ZNF831: variants seen among roughly 807,000 people sequenced by gnomAD.
ZNF831 encodes chromosome 20 open reading frame 174.
Under a neutral mutation model 95.8 loss-of-function variants are expected in ZNF831, and 59 were observed. The observed-to-expected ratio is 0.62, with a 90% CI of 0.50 to 0.77. ZNF831 has a LOEUF of 0.77. ZNF831 is among the 30% of genes least tolerant of loss of function. The pLI, the probability that ZNF831 is intolerant of heterozygous loss-of-function variation, is 0.00. For missense variants in ZNF831, 2,205 were observed against 2,164.0 expected (o/e 1.02, Z -0.38); for synonymous variants, 961 against 925.5 (o/e 1.04, Z -0.70).
Position 59,217,164 on chromosome 20 carries a change from G to C in ZNF831, c.4027+10108G>C, listed in dbSNP as rs185393485. ...GTACATCTGACAGATCTTCATCTCT[G>C]TGTGTGTGTGTGTGTGTGTGTGTGT... On this transcript the variant is annotated intron_variant, in intron 4 of 5. Transcript: ENST00000371030. The surrounding 1 kb of genome is among the most constrained non-coding windows in gnomAD (Gnocchi z 4.4). Among the ~76,000 whole-genome samples the C allele has an allele frequency of 6.7e-4, 88 of 131,822 alleles. No homozygotes were observed. The highest frequency in any genetic ancestry group is 1.2e-3 in the African/African-American group (45 of 36,618). 86.5% of individuals were successfully genotyped at this position (131,822 alleles called of 152,430 possible).
chr20:59,212,074 A>G (rs1287195527), intron 4 of ZNF831, among the ~76,000 whole-genome samples: 1 of 152,192 alleles, frequency 6.6e-6, no homozygotes, highest in Non-Finnish European at 1.5e-5. Context: ...ATAAGAAGTC[A>G]TGAATACTTG....
At chr20:59,197,354 T>C (rs1055269285) in intron 3 of ZNF831, among the ~76,000 whole-genome samples, 4 of 152,114 alleles carry the variant, frequency 2.6e-5, no homozygotes, top group Non-Finnish European at 5.9e-5. Context: ...GTGGATGGTA[T>C]TATTAGCCCC....
intron 1 of ZNF831, among the ~76,000 whole-genome samples, chr20:59,133,591 T>C (rs1322644469): frequency 6.6e-6 from 1 of 152,060 alleles, no homozygotes; most frequent in Admixed American, 6.5e-5. Flanking sequence ...GAAAAGGGAA[T>C]AGAAAGCATG....
At position 59,177,196 on chromosome 20, in the gene ZNF831, G is replaced by A. The variant is rs536059146; in HGVS notation, c.-37+12989G>A. Among the ~76,000 whole-genome samples the A allele has an allele frequency of 1.4e-4, 21 of 152,300 alleles. No individual in the cohort carries two copies. In the South Asian group the frequency reaches 2.7e-3, roughly 20 times the overall value. On this transcript the variant is annotated intron_variant, in intron 1 of 5. Transcript: ENST00000371030. Reference sequence around the variant, plus strand: ...ACAGTCACAGCAGTAATCAAGACAGGCGTCTTGTCATTTAATTAAGCATGG... The same window carrying A: ...ACAGTCACAGCAGTAATCAAGACAGACGTCTTGTCATTTAATTAAGCATGG...
chr20:59,242,492 G>A (rs1399248454), intron 4 of ZNF831, among the ~76,000 whole-genome samples: 1 of 152,042 alleles, frequency 6.6e-6, no homozygotes, highest in Non-Finnish European at 1.5e-5. Context: ...CACACTTGTG[G>A]TCTAGGCACA....
chr20:59,191,742 C>T lies in ZNF831; in HGVS notation c.723C>T (p.Ala241=), dbSNP rs1326726599. ...GGTGCCAGGGGATGCACGAAGGCGC[C>T]TCGGAGAGACCCCTTTCTCCGGGTG... is the stretch of plus-strand genomic sequence containing the variant. The part of the protein sequence containing the change: ...ESRCQGMHEG[A]SERPLSPGAH... The change falls in exon 2 of 6, where the codon GCC becomes GCT. Residue 241 remains alanine (A), a synonymous_variant. Transcript: ENST00000371030. The T allele has an allele frequency of 6.2e-7, 1 of 1,600,988 alleles. No individual in the cohort carries two copies. Among genetic ancestry groups the T allele is most frequent in the East Asian group, 2.2e-5 (1 of 44,708 alleles).
At chr20:59,170,329 G>A (rs978110238) in intron 1 of ZNF831, among the ~76,000 whole-genome samples, 3 of 152,124 alleles carry the variant, frequency 2.0e-5, no homozygotes, top group Admixed American at 6.5e-5. Context: ...ATTTTGAGAT[G>A]TATTTTTGTT....
At chr20:59,228,087 G>A (rs1986526738) in intron 4 of ZNF831, among the ~76,000 whole-genome samples, 1 of 151,968 alleles carries the variant, frequency 6.6e-6, no homozygotes, top group African/African-American at 2.4e-5. Context: ...TATATCAAAG[G>A]GACCATAGGC....
chr20:59,170,059 C>T (rs1251257118), intron 1 of ZNF831, among the ~76,000 whole-genome samples: 1 of 152,050 alleles, frequency 6.6e-6, no homozygotes, highest in African/African-American at 2.4e-5. Context: ...TTTCCTTTTA[C>T]TACAGTCAAG....
intron 4 of ZNF831, among the ~76,000 whole-genome samples, chr20:59,211,925 A>G (rs2146650799): frequency 6.6e-6 from 1 of 152,190 alleles, no homozygotes; most frequent in East Asian, 1.9e-4. Flanking sequence ...AACTTGGGGA[A>G]ACTTGGTAGA....
intron 4 of ZNF831, among the ~76,000 whole-genome samples, chr20:59,209,493 G>T (rs1388370906): frequency 6.6e-6 from 1 of 152,204 alleles, no homozygotes; most frequent in Admixed American, 6.5e-5. Context: ...GGGTCAAGAA[G>T]AGGGAACATG....
Position 59,253,060 on chromosome 20 carries a change from C to A in ZNF831, c.4110C>A (p.Asp1370Glu). ...CCGKEEKKEG[D>E]CRQTLGTLSL... is the part of the protein sequence containing the mutation. ...GGAAGGAAGAGAAGAAGGAAGGTGA[C>A]TGCAGACAAACCTTAGGAACCCTCT... Residue 1370 changes from aspartate (D) to glutamate (E), a missense_variant, in exon 5 of 6, where the codon GAC (aspartate) becomes GAA (glutamate). Asp to Glu is a conservative substitution (Grantham distance 45, BLOSUM62 2). Coordinates refer to ENST00000371030, the MANE Select transcript of ZNF831 (RefSeq NM_178457.3). The A allele has an allele frequency of 6.2e-7, 1 of 1,614,178 alleles. No individual in the cohort carries two copies. Among genetic ancestry groups the A allele is most frequent in the Non-Finnish European group, 8.5e-7 (1 of 1,180,010 alleles).
At chr20:59,224,995 C>T (rs111547041) in intron 4 of ZNF831, among the ~76,000 whole-genome samples, 2 of 151,404 alleles carry the variant, frequency 1.3e-5, no homozygotes, top group Admixed American at 6.6e-5. Flanking sequence ...GAGTAGAATA[C>T]TGCATGCTTT....
intron 4 of ZNF831, among the ~76,000 whole-genome samples, chr20:59,247,014 C>T (rs1454510433): frequency 6.6e-6 from 1 of 152,136 alleles, no homozygotes; most frequent in Non-Finnish European, 1.5e-5. Flanking sequence ...CATTTTTAGC[C>T]ATTTTTTTCG....
intron 1 of ZNF831, among the ~76,000 whole-genome samples, chr20:59,183,592 T>A (rs1054557038): frequency 1.3e-5 from 2 of 152,236 alleles, no homozygotes; most frequent in African/African-American, 4.8e-5. Context: ...CAAGTATTTA[T>A]TTCTTTTGGC....
In ZNF831 at chr20:59,169,866, C is replaced by CTCTAG. The variant is rs775526728; in HGVS notation, c.-37+5660_-37+5664dup. On this transcript the variant is annotated intron_variant, in intron 1 of 5. Transcript: ENST00000371030. The surrounding 1 kb of genome is among the most constrained non-coding windows in gnomAD (Gnocchi z 4.1). The stretch of plus-strand genomic sequence containing the variant: ...AGTGAGCCAAGATCATGCCACTTCA[C>CTCTAG]TCTAGCCTGGGCAATAGAGCAAGAC... 8.5e-5 allele frequency among the ~76,000 whole-genome samples: 13 copies of CTCTAG among 152,076 alleles called. No individual in the cohort carries two copies. Among genetic ancestry groups the CTCTAG allele is most frequent in the Admixed American group, 4.6e-4 (7 of 15,284 alleles).
intron 4 of ZNF831, among the ~76,000 whole-genome samples, chr20:59,240,716 G>C (rs1052208924): frequency 1.3e-5 from 2 of 152,086 alleles, no homozygotes; most frequent in Non-Finnish European, 2.9e-5. Flanking sequence ...GCAGGAGAAT[G>C]GCGTGAACCC....
In ZNF831 at chr20:59,254,960, A is replaced by G. The variant is rs116821282; in HGVS notation, c.*217A>G. 1,159 of 549,416 alleles carry G rather than the reference A, an allele frequency of 2.1e-3. 10 individuals carry two copies. The highest frequency in any genetic ancestry group is 0.019 in the African/African-American group (997 of 53,312). 34.0% of individuals were successfully genotyped at this position (549,416 alleles called of 1,614,324 possible). A position where few individuals can be genotyped will look rare whatever the true frequency, so the allele number is the denominator to read the frequency against. On this transcript the variant is annotated 3_prime_UTR_variant, in exon 6 of 6. Transcript: ENST00000371030. This position sits in a 1 kb window ranked among gnomAD's most constrained non-coding sequence, Gnocchi z 4.5. Reference sequence around the variant, plus strand: ...CCTTGGGAGTGCTCTGCTCATCTTCAAATGGTGCCAGGCAGGGCAGACATG... The same window carrying G: ...CCTTGGGAGTGCTCTGCTCATCTTCGAATGGTGCCAGGCAGGGCAGACATG...
chr20:59,227,690 G>A (rs1456768264), intron 4 of ZNF831, among the ~76,000 whole-genome samples: 1 of 152,088 alleles, frequency 6.6e-6, no homozygotes, highest in East Asian at 1.9e-4. Flanking sequence ...GGTTTCCATT[G>A]TCTTATATTA....
Sources: gnomAD v4.1 joint callset for allele counts (sites outside exome capture counted in the v4.1 genomes callset) on GRCh38, gnomAD v4.1.1 for gene constraint, Gnocchi (gnomAD v3.1) non-coding constraint, MANE v1.5 for transcripts, NCBI Gene and HGNC (gene_info 2026-07-23, HGNC 2026-07-21) for gene names.